CDK13: variants seen among roughly 807,000 people sequenced by gnomAD.
CDK13 encodes cyclin dependent kinase 13.
Under a neutral mutation model 137.6 loss-of-function variants are expected in CDK13, and 40 were observed. The observed-to-expected ratio is 0.29, with a 90% confidence interval of 0.23 to 0.38. The LOEUF (loss-of-function observed/expected upper bound fraction) is 0.38. Ranked by LOEUF, CDK13 falls within the 10% of genes least tolerant of loss-of-function variation. The pLI is 1.00. For synonymous variants in CDK13, 869 were observed against 760.1 expected (o/e 1.14, Z -2.36); for missense variants, 1,704 against 1,951.8 (o/e 0.87, Z 2.39).
chr7:39,971,478 C>T (rs932801691), intron 1 of CDK13, among the ~76,000 whole-genome samples: 3 of 152,058 alleles, frequency 2.0e-5, no homozygotes, highest in Admixed American at 6.6e-5. Flanking sequence ...GATCTTGCCA[C>T]TACACTCCAG....
chr7:40,016,356 T>C (rs1431194417), intron 5 of CDK13, among the ~76,000 whole-genome samples: 2 of 152,174 alleles, frequency 1.3e-5, no homozygotes, highest in Non-Finnish European at 2.9e-5. Context: ...TTGTGAGACC[T>C]AAGTGAGACA....
chr7:39,987,495 GT>G (rs1213296630), intron 1 of CDK13, 103 bp from the exon 2 acceptor site: 2 of 962,074 alleles, frequency 2.1e-6, no homozygotes, highest in Non-Finnish European at 2.9e-6. Context: ...TTGAAATTAA[GT>G]AAATTTCTAT....
At chr7:40,078,597 C>A in intron 10 of CDK13, 123 bp from the exon 11 acceptor site, 1 of 436,472 alleles carries the variant, frequency 2.3e-6, no homozygotes, top group Non-Finnish European at 3.6e-6. Flanking sequence ...AAAGTATTTA[C>A]AATTATTTTT....
Position 40,097,789 on chromosome 7 carries a change from G to A in CDK13, c.*2809G>A, listed in dbSNP as rs1308465369. 1 of 152,090 alleles carries A rather than the reference G, an allele frequency of 6.6e-6. No homozygotes were observed. Among genetic ancestry groups the A allele is most frequent in the East Asian group, 1.9e-4 (1 of 5,196 alleles). 9.4% of individuals were successfully genotyped at this position (152,090 alleles called of 1,614,324 possible). A position where few individuals can be genotyped will look rare whatever the true frequency, so the allele number is the denominator to read the frequency against. On this transcript the variant is annotated 3_prime_UTR_variant, in exon 14 of 14. Coordinates refer to ENST00000181839, the MANE Select transcript of CDK13 (RefSeq NM_003718.5). ...TTTGTTGGAGAGTTGCAAGTCATTT[G>A]TGAAACCTTAAAATGCCAATTTTAA...
chr7:40,091,495 A>G (rs1182001516), intron 12 of CDK13, among the ~76,000 whole-genome samples: 2 of 152,236 alleles, frequency 1.3e-5, no homozygotes, highest in African/African-American at 2.4e-5. Flanking sequence ...CCTGGGGAAC[A>G]GAGCAAGACT....
At chr7:40,002,152 C>A in intron 5 of CDK13, 121 bp downstream of exon 5, 1 of 614,136 alleles carries the variant, frequency 1.6e-6, no homozygotes, top group Non-Finnish European at 2.7e-6. Flanking sequence ...AATCGTGAAA[C>A]TATATTTTTA....
In CDK13 at chr7:39,972,740, A is replaced by T. The variant is rs57602515; in HGVS notation, c.1212-14859A>T. Among the ~76,000 whole-genome samples the T allele has an allele frequency of 1.4e-4, 21 of 152,002 alleles. No homozygotes were observed. In the South Asian group the frequency reaches 2.7e-3, roughly 20 times the overall value. On this transcript the variant is annotated intron_variant, in intron 1 of 13. Coordinates refer to ENST00000181839, the MANE Select transcript of CDK13 (RefSeq NM_003718.5). ...GGACCTTTGGGTTAACTTTTTGGCT[A>T]TTTTTTTAATGCTGCTATGAACATT...
Position 39,951,560 on chromosome 7 carries a change from C to G in CDK13, c.919C>G (p.Pro307Ala). 1 of 1,532,504 alleles carries G rather than the reference C, an allele frequency of 6.5e-7. No homozygotes were observed. Among genetic ancestry groups the G allele is most frequent in the Non-Finnish European group, 8.8e-7 (1 of 1,142,114 alleles). 94.9% of individuals were successfully genotyped at this position (1,532,504 alleles called of 1,614,324 possible). ...PKAYREDKTE[P>A]KAYRRRRSLS... ...GGCCTACCGGGAGGACAAGACCGAG[C>G]CTAAGGCCTACAGGCGGCGGCGGTC... The change falls in exon 1 of 14, where the codon CCT becomes GCT. Residue 307 changes from proline to alanine, a missense_variant. Physicochemically the swap from Pro to Ala is conservative, Grantham distance 27. Around this residue, in one of 5 missense-constraint regions of CDK13, gnomAD observed 1,051 missense variants for 931.0 expected, o/e 1.13. Coordinates refer to ENST00000181839, the MANE Select transcript of CDK13 (RefSeq NM_003718.5).
chr7:40,039,479 G>A (rs1437564150), intron 5 of CDK13, among the ~76,000 whole-genome samples: 2 of 133,158 alleles, frequency 1.5e-5, no homozygotes, highest in Non-Finnish European at 3.0e-5. Context: ...TCGCCCAGGC[G>A]GGAATGCAGT....
rs1383422371 is a variant in CDK13, at chr7:39,987,843, G to T, written c.1456G>T (p.Ala486Ser). ...ATKAAEAAAK[A>S]AKASNTSTPT... ...TAAGGCTGCTGAGGCTGCTGCCAAG[G>T]CTGCAAAAGCTTCAAACACTTCTAC... The change falls in exon 2 of 14, where the codon GCT becomes TCT. Residue 486 changes from alanine to serine, a missense_variant. By Grantham distance (99) the Ala-to-Ser change is moderately conservative. Coordinates refer to ENST00000181839, the MANE Select transcript of CDK13 (RefSeq NM_003718.5). 5 of 1,614,216 alleles carry T rather than the reference G, an allele frequency of 3.1e-6. No homozygotes were observed. Among genetic ancestry groups the T allele is most frequent in the Non-Finnish European group, 4.2e-6 (5 of 1,180,024 alleles).
At chr7:39,982,956 T>C (rs956912420) in intron 1 of CDK13, among the ~76,000 whole-genome samples, 1 of 152,134 alleles carries the variant, frequency 6.6e-6, no homozygotes, top group African/African-American at 2.4e-5. Flanking sequence ...TTTTCTCCCA[T>C]GTTGTAGGTT....
chr7:40,022,844 TTTC>T (rs1267524719), intron 5 of CDK13, among the ~76,000 whole-genome samples: 7 of 150,954 alleles, frequency 4.6e-5, no homozygotes, highest in Non-Finnish European at 7.4e-5. Flanking sequence ...GAAAGTTTTT[TTTC>T]TTTTCGTCTT....
At chr7:39,958,204 A>C (rs1209128991) in intron 1 of CDK13, among the ~76,000 whole-genome samples, 1 of 148,766 alleles carries the variant, frequency 6.7e-6, no homozygotes, top group African/African-American at 2.5e-5. Context: ...CGAAAATGGT[A>C]AATGATCTAC....
chr7:39,981,565 A>C lies in CDK13; in HGVS notation c.1212-6034A>C, dbSNP rs191172410. ...AAATGGCCTAAACTGAAATTTGTTTAGTTTTAGGTTCCCAAACCATGTTTG... is the reference window on the plus strand; with the variant it reads ...AAATGGCCTAAACTGAAATTTGTTTCGTTTTAGGTTCCCAAACCATGTTTG... On this transcript the variant is annotated intron_variant, in intron 1 of 13. Transcript: ENST00000181839. 2.6e-3 allele frequency among the ~76,000 whole-genome samples: 393 copies of C among 152,286 alleles called. 1 individual carries two copies. The highest frequency in any genetic ancestry group is 9.0e-3 in the African/African-American group (372 of 41,548).
intron 5 of CDK13, among the ~76,000 whole-genome samples, chr7:40,035,162 A>T (rs1484131544): frequency 4.6e-5 from 7 of 152,320 alleles, no homozygotes; most frequent in Non-Finnish European, 2.9e-5. Context: ...GTGGCATGTT[A>T]TAGTTCCACA....
At position 39,950,810 on chromosome 7, in the gene CDK13, C is replaced by G; in HGVS notation, c.169C>G (p.Pro57Ala). 6.9e-7 allele frequency: 1 copy of G among 1,455,348 alleles called. No homozygotes were observed. Among genetic ancestry groups the G allele is most frequent in the Non-Finnish European group, 9.0e-7 (1 of 1,111,408 alleles). 90.2% of individuals were successfully genotyped at this position (1,455,348 alleles called of 1,614,324 possible). A position where few individuals can be genotyped will look rare whatever the true frequency, so the allele number is the denominator to read the frequency against. ...QLLQPPPPPP[P>A]LLFLAAPGTA... Reference sequence around the variant, plus strand: ...CCTGCAACCGCCGCCGCCCCCGCCGCCTCTGCTCTTCCTGGCTGCTCCCGG... The same window carrying G: ...CCTGCAACCGCCGCCGCCCCCGCCGGCTCTGCTCTTCCTGGCTGCTCCCGG... Residue 57 changes from proline (P) to alanine (A), a missense_variant, in exon 1 of 14, where the codon CCT becomes GCT. Transcript: ENST00000181839.
intron 5 of CDK13, among the ~76,000 whole-genome samples, chr7:40,014,258 G>T (rs188046122): frequency 8.6e-5 from 13 of 151,306 alleles, no homozygotes; most frequent in Non-Finnish European, 1.5e-4. Context: ...TAATGGAAAC[G>T]GGGTTTCACC....
intron 1 of CDK13, among the ~76,000 whole-genome samples, chr7:39,969,667 A>G (rs1039545456): frequency 4.0e-5 from 6 of 150,256 alleles, no homozygotes; most frequent in African/African-American, 9.9e-5. Flanking sequence ...CCTCAATAAG[A>G]CTTATTTTTT....
In CDK13 at chr7:39,950,632, G is replaced by A. The variant is rs1787119750; in HGVS notation, c.-10G>A. The stretch of plus-strand genomic sequence containing the variant: ...GCACCCGCGCCGCGCTCTGCGGCTG[G>A]CTCTAGGCGATGCCGAGCAGCTCGG... On this transcript the variant is annotated 5_prime_UTR_variant, in exon 1 of 14. Coordinates refer to ENST00000181839, the MANE Select transcript of CDK13 (RefSeq NM_003718.5). 7.6e-7 allele frequency: 1 copy of A among 1,315,598 alleles called. No individual in the cohort carries two copies. Among genetic ancestry groups the A allele is most frequent in the East Asian group, 3.1e-5 (1 of 31,978 alleles). The allele number at this position is 1,315,598 out of a possible 1,614,324, so 81.5% of individuals were successfully genotyped here.
Sources: allele counts gnomAD v4.1 joint callset (sites outside exome capture counted in the v4.1 genomes callset), GRCh38; gene constraint gnomAD v4.1.1; regional missense constraint gnomAD v4.1.1; transcripts MANE v1.5; gene names NCBI Gene and HGNC (gene_info 2026-07-23, HGNC 2026-07-21).